IGDCC3: variants seen among roughly 807,000 people sequenced by gnomAD.
IGDCC3 encodes the protein putative neuronal cell adhesion molecule.
Under a neutral mutation model 72.0 loss-of-function variants are expected in IGDCC3, and 47 were observed. The ratio of observed to expected loss-of-function variants is 0.65; its 90% CI spans 0.52 to 0.83. IGDCC3 has a LOEUF of 0.83. Among genes scored for constraint, IGDCC3 ranks in the 40% least tolerant of loss-of-function variants. The probability of loss-of-function intolerance (pLI) is 0.00; values close to 1 mark genes in which losing one functional copy is unlikely to be tolerated. For missense variants in IGDCC3, 1,038 were observed against 1,091.3 expected (o/e 0.95, Z 0.69); for synonymous variants, 477 against 472.8 (o/e 1.01, Z -0.11).
chr15:65,331,119 T>C lies in IGDCC3; in HGVS notation c.1492A>G (p.Ile498Val), dbSNP rs757938214. 6 of 1,614,088 alleles carry C rather than the reference T, an allele frequency of 3.7e-6. No individual in the cohort carries two copies. In the Admixed American group the frequency reaches 5.0e-5, roughly 13 times the overall value. The change falls in exon 9 of 14, where the codon ATC becomes GTC. Residue 498 changes from isoleucine to valine, a missense_variant. Coordinates refer to ENST00000327987, the MANE Select transcript of IGDCC3 (RefSeq NM_004884.4). Reference protein sequence around the residue: ...LEPSTAYSFYIKAYTPRGASS... With the variant: ...LEPSTAYSFYVKAYTPRGASS... ...GCCCCCCTTGGTGTGTAGGCCTTGA[T>C]GTAGAAACTGTAGGCTGTGGAGGGC...
intron 5 of IGDCC3, 81 bp from the exon 6 acceptor site, chr15:65,333,496 C>A: frequency 7.5e-7 from 1 of 1,340,238 alleles, no homozygotes; most frequent in South Asian, 1.5e-5. Context: ...TTCCAGATGG[C>A]TTGCCCTTCC....
chr15:65,330,817 G>T, intron 9 of IGDCC3, 76 bp from the exon 10 acceptor site: 2 of 1,317,158 alleles, frequency 1.5e-6, no homozygotes, highest in Non-Finnish European at 2.1e-6. Flanking sequence ...CTGTGACCCC[G>T]ACCCCCAAAA....
At chr15:65,340,490 C>A (rs1213745626) in intron 2 of IGDCC3, among the ~76,000 whole-genome samples, 1 of 152,174 alleles carries the variant, frequency 6.6e-6, no homozygotes, top group East Asian at 1.9e-4. Context: ...CCTCATACAG[C>A]CATTCAAGAG....
At chr15:65,368,363 G>A (rs1015268457) in intron 2 of IGDCC3, among the ~76,000 whole-genome samples, 8 of 152,052 alleles carry the variant, frequency 5.3e-5, no homozygotes, top group Admixed American at 1.3e-4. Flanking sequence ...CCTATTCACC[G>A]GCCCACATTC....
chr15:65,368,735 A>C (rs1258049452), intron 2 of IGDCC3, among the ~76,000 whole-genome samples: 1 of 152,122 alleles, frequency 6.6e-6, no homozygotes, highest in Non-Finnish European at 1.5e-5. Flanking sequence ...TCCTCTAGAG[A>C]TAAACACGCG....
At chr15:65,342,386 C>CA (rs112033446) in intron 2 of IGDCC3, among the ~76,000 whole-genome samples, 2,326 of 126,218 alleles carry the variant, frequency 0.018, 48 homozygotes, top group East Asian at 0.073. Flanking sequence ...AACTCCGTCT[C>CA]AAAAAAAAAA....
At chr15:65,351,606 T>C (rs1283764497) in intron 2 of IGDCC3, among the ~76,000 whole-genome samples, 3 of 152,142 alleles carry the variant, frequency 2.0e-5, no homozygotes, top group Non-Finnish European at 4.4e-5. Flanking sequence ...TAAAATTTTA[T>C]TTAAAATTGG....
Position 65,377,791 on chromosome 15 carries a change from G to A in IGDCC3, c.-3C>T. 8.1e-7 allele frequency: 1 copy of A among 1,231,900 alleles called. No homozygotes were observed. The highest frequency in any genetic ancestry group is 1.0e-6 in the Non-Finnish European group (1 of 987,288). The allele number at this position is 1,231,900 out of a possible 1,614,324, so 76.3% of individuals were successfully genotyped here. A position where few individuals can be genotyped will look rare whatever the true frequency, so the allele number is the denominator to read the frequency against. Reference sequence around the variant, plus strand: ...GACGCGGCGCGCTGCACAGCCATGGGGCTCTCGGTCAGCTCGGCTCGGCGA... The same window carrying A: ...GACGCGGCGCGCTGCACAGCCATGGAGCTCTCGGTCAGCTCGGCTCGGCGA... On this transcript the variant is annotated 5_prime_UTR_variant, in exon 1 of 14. Coordinates refer to ENST00000327987, the MANE Select transcript of IGDCC3 (RefSeq NM_004884.4). This position sits in a 1 kb window ranked among gnomAD's most constrained non-coding sequence, Gnocchi z 4.9.
At chr15:65,334,538 A>T (rs1411457293) in intron 5 of IGDCC3, 190 bp downstream of exon 5, 2 of 564,744 alleles carry the variant, frequency 3.5e-6, no homozygotes, top group Non-Finnish European at 6.1e-6. Flanking sequence ...TGGGGTGGGC[A>T]GGCGGGCCTC....
chr15:65,375,063 T>C, intron 2 of IGDCC3, 34 bp downstream of exon 2: 1 of 1,585,982 alleles, frequency 6.3e-7, no homozygotes, highest in East Asian at 2.2e-5. Flanking sequence ...ACCAGCTGGC[T>C]TACACAAAGG....
At chr15:65,337,687 T>C (rs2091043625) in intron 2 of IGDCC3, among the ~76,000 whole-genome samples, 1 of 152,118 alleles carries the variant, frequency 6.6e-6, no homozygotes, top group African/African-American at 2.4e-5. Flanking sequence ...GGAGCCCCTC[T>C]ACTGCCTCTA....
At position 65,329,195 on chromosome 15, in the gene IGDCC3, G is replaced by A. The variant is rs368508988; in HGVS notation, c.2206-47C>T. 7.0e-6 allele frequency: 11 copies of A among 1,564,392 alleles called. No homozygotes were observed. In the Admixed American group the frequency reaches 1.3e-4, roughly 19 times the overall value. On this transcript the variant is annotated intron_variant, in intron 13 of 13. Coordinates refer to ENST00000327987, the MANE Select transcript of IGDCC3 (RefSeq NM_004884.4). This position sits in a 1 kb window ranked among gnomAD's most constrained non-coding sequence, Gnocchi z 4.1. ...CAGGCGTCAGCTTGAGGGCCAGGGCGCCAGGCTCCAACTCACCCCACTTGG... is the reference window on the plus strand; with the variant it reads ...CAGGCGTCAGCTTGAGGGCCAGGGCACCAGGCTCCAACTCACCCCACTTGG...
At chr15:65,372,817 A>G (rs1943201303) in intron 2 of IGDCC3, among the ~76,000 whole-genome samples, 1 of 152,244 alleles carries the variant, frequency 6.6e-6, no homozygotes, top group Admixed American at 6.5e-5. Context: ...CCAGGCAGCT[A>G]ATCAGCTTTG....
At chr15:65,346,754 C>T (rs532547800) in intron 2 of IGDCC3, among the ~76,000 whole-genome samples, 6 of 152,116 alleles carry the variant, frequency 3.9e-5, no homozygotes, top group East Asian at 3.9e-4. Context: ...TCATCATGCC[C>T]GGCCGAGACT....
Position 65,335,807 on chromosome 15 carries a change from C to G in IGDCC3, c.554+5G>C. 1.2e-6 allele frequency: 2 copies of G among 1,614,118 alleles called. No individual in the cohort carries two copies. Among genetic ancestry groups the G allele is most frequent in the Non-Finnish European group, 8.5e-7 (1 of 1,179,980 alleles). On this transcript the variant is annotated splice_donor_5th_base_variant and intron_variant, in intron 3 of 13. Transcript: ENST00000327987. ...CTCCCTCTGTCTTTCCCACACGTGG[C>G]TCACCTCTCATTGTCCGTGTCAATT...
chr15:65,334,642 C>G (rs1274011040), intron 5 of IGDCC3, 86 bp downstream of exon 5: 5 of 1,208,244 alleles, frequency 4.1e-6, no homozygotes, highest in Non-Finnish European at 5.6e-6. Context: ...CCACATTCCC[C>G]TGGAGCTGGG....
At chr15:65,345,035 T>C (rs888709383) in intron 2 of IGDCC3, among the ~76,000 whole-genome samples, 2 of 152,208 alleles carry the variant, frequency 1.3e-5, no homozygotes, top group South Asian at 2.1e-4. Context: ...GTTTTCATCC[T>C]ACACATCAGG....
chr15:65,335,774 TC>T, intron 3 of IGDCC3, 37 bp downstream of exon 3: 1 of 1,611,766 alleles, frequency 6.2e-7, no homozygotes, highest in Non-Finnish European at 8.5e-7. Flanking sequence ...ACTGGCCACC[TC>T]TTTGTCCTCC....
rs928715919 is a variant in IGDCC3 at position 65,339,014 on chromosome 15, C to T, written c.410-3058G>A. 2.6e-5 allele frequency among the ~76,000 whole-genome samples: 4 copies of T among 152,166 alleles called. No individual in the cohort carries two copies. The highest frequency in any genetic ancestry group is 4.4e-5 in the Non-Finnish European group (3 of 68,030). On this transcript the variant is annotated intron_variant, in intron 2 of 13. Coordinates refer to ENST00000327987, the MANE Select transcript of IGDCC3 (RefSeq NM_004884.4). The surrounding 1 kb of genome is among the most constrained non-coding windows in gnomAD (Gnocchi z 4.1). ...ACCTCTCAGGCTCAGGTGATCCTCC[C>T]GCCTCAGCCTCCTGAGGAGCTGGGA...
Sources: gnomAD v4.1 joint callset for allele counts (sites outside exome capture counted in the v4.1 genomes callset) on GRCh38, gnomAD v4.1.1 for gene constraint, Gnocchi (gnomAD v3.1) non-coding constraint, MANE v1.5 for transcripts, NCBI Gene and HGNC (gene_info 2026-07-23, HGNC 2026-07-21) for gene names.